Variants in SNTG1 observed in about 807,000 individuals in gnomAD.
SNTG1 encodes the protein syntrophin gamma 1, also known as gamma-1-syntrophin.
SNTG1 carries 39 observed loss-of-function variants against 74.7 expected under a neutral mutation model. The observed-to-expected ratio is 0.52, with a 90% CI of 0.40 to 0.68. SNTG1 has a LOEUF of 0.68. Among genes scored for constraint, SNTG1 ranks in the 30% least tolerant of loss-of-function variants. The pLI is 0.00. For synonymous variants in SNTG1, 254 were observed against 217.1 expected, an observed-to-expected ratio of 1.17 and a Z score of -1.49; for missense variants, 685 against 609.5, an observed-to-expected ratio of 1.12 and a Z score of -1.30.
intron 1 of SNTG1, among the ~76,000 whole-genome samples, chr8:50,156,275 C>T (rs536191213): frequency 5.5e-4 from 84 of 152,058 alleles, no homozygotes; most frequent in African/African-American, 2.0e-3. Context: ...ATTTGTTGTA[C>T]GAAATCAGTA....
chr8:50,278,694 T>TA (rs11391165), intron 2 of SNTG1, among the ~76,000 whole-genome samples: 70,935 of 151,216 alleles, frequency 0.47, 19,147 homozygotes, highest in East Asian at 0.83. Flanking sequence ...GAAAAAATGC[T>TA]AAAAAAAAAT....
intron 1 of SNTG1, among the ~76,000 whole-genome samples, chr8:50,047,696 C>T (rs552872953): frequency 6.6e-6 from 1 of 152,226 alleles, no homozygotes; most frequent in African/African-American, 2.4e-5. Context: ...CTCCCAGTCA[C>T]CTTCTGCAAA....
chr8:50,268,798 A>G (rs2087618277), intron 2 of SNTG1, among the ~76,000 whole-genome samples: 2 of 152,038 alleles, frequency 1.3e-5, no homozygotes, highest in African/African-American at 4.8e-5. Context: ...CTGGAATTAC[A>G]GGCACACACC....
At chr8:50,142,741 C>A (rs2131476084) in intron 1 of SNTG1, among the ~76,000 whole-genome samples, 1 of 152,138 alleles carries the variant, frequency 6.6e-6, no homozygotes, top group East Asian at 1.9e-4. Context: ...CATGTTAAAA[C>A]CTCTCACTGA....
intron 18 of SNTG1, among the ~76,000 whole-genome samples, chr8:50,788,858 T>C (rs186516466): frequency 5.4e-4 from 82 of 152,050 alleles, no homozygotes; most frequent in Middle Eastern, 3.4e-3. Context: ...CGGCCTCAGA[T>C]CAATTGTCCA....
At chr8:50,547,610 T>C (rs2094397418) in intron 11 of SNTG1, among the ~76,000 whole-genome samples, 2 of 152,104 alleles carry the variant, frequency 1.3e-5, no homozygotes, top group African/African-American at 4.8e-5. Flanking sequence ...ATATTAATTT[T>C]AATTTTGCCA....
At chr8:50,719,730 T>A (rs1022604576) in intron 17 of SNTG1, among the ~76,000 whole-genome samples, 1 of 152,176 alleles carries the variant, frequency 6.6e-6, no homozygotes, top group Non-Finnish European at 1.5e-5. Flanking sequence ...GGCATTCTTT[T>A]GAAAAATTTT....
intron 1 of SNTG1, among the ~76,000 whole-genome samples, chr8:50,065,400 T>A (rs757428018): frequency 9.2e-5 from 14 of 152,192 alleles, no homozygotes; most frequent in Non-Finnish European, 2.1e-4. Context: ...AATAAAAAGA[T>A]GCATAAATAA....
At chr8:50,183,223 G>A (rs1408217591) in intron 2 of SNTG1, among the ~76,000 whole-genome samples, 2 of 152,154 alleles carry the variant, frequency 1.3e-5, no homozygotes, top group African/African-American at 4.8e-5. Flanking sequence ...AGGTTTTAGT[G>A]TTTGACTAAC....
At chr8:50,466,742 C>G (rs1016924726) in intron 8 of SNTG1, among the ~76,000 whole-genome samples, 3 of 151,942 alleles carry the variant, frequency 2.0e-5, no homozygotes, top group African/African-American at 7.2e-5. Flanking sequence ...TAATTCTGTA[C>G]ATATATTGCT....
Position 49,962,468 on chromosome 8 carries a change from T to G in SNTG1, c.-103+50237T>G, listed in dbSNP as rs552858680. On this transcript the variant is annotated intron_variant, in intron 1 of 18. Coordinates refer to ENST00000642720, the MANE Select transcript of SNTG1 (RefSeq NM_018967.5). ...AATGAGTCAGGAAACAAGGTCATCA[T>G]GAGGAAAGAGCTCTAAAAAGAGCCG... Among the ~76,000 whole-genome samples the G allele has an allele frequency of 5.9e-5, 9 of 152,110 alleles. No homozygotes were observed. In the South Asian group the frequency reaches 1.9e-3, roughly 32 times the overall value.
chr8:50,510,233 G>A (rs931925386), intron 9 of SNTG1, among the ~76,000 whole-genome samples: 2 of 152,152 alleles, frequency 1.3e-5, no homozygotes, highest in Non-Finnish European at 2.9e-5. Flanking sequence ...ATTTGCATAT[G>A]TTGAGCCAGC....
chr8:50,287,260 T>C (rs937843390), intron 2 of SNTG1, among the ~76,000 whole-genome samples: 4 of 152,192 alleles, frequency 2.6e-5, no homozygotes, highest in Non-Finnish European at 5.9e-5. Context: ...AATCTAGGCC[T>C]ACTGAATACT....
At chr8:50,564,118 G>GTTT (rs34059510) in intron 12 of SNTG1, among the ~76,000 whole-genome samples, 1 of 145,104 alleles carries the variant, frequency 6.9e-6, no homozygotes, top group African/African-American at 2.5e-5. Context: ...GTTGCAGTCC[G>GTTT]TTTTTTTTTT....
intron 1 of SNTG1, among the ~76,000 whole-genome samples, chr8:49,933,924 C>A (rs114886723): frequency 0.013 from 1,940 of 152,148 alleles, 44 homozygotes; most frequent in African/African-American, 0.043. Context: ...TTAGGAATAA[C>A]GTGGGAAAGG....
At chr8:50,310,215 T>C (rs1436290512) in intron 2 of SNTG1, among the ~76,000 whole-genome samples, 1 of 152,206 alleles carries the variant, frequency 6.6e-6, no homozygotes, top group Non-Finnish European at 1.5e-5. Context: ...CTCAAACTTG[T>C]TACCTGGATT....
intron 1 of SNTG1, among the ~76,000 whole-genome samples, chr8:50,155,988 A>C (rs1050466795): frequency 6.6e-6 from 1 of 152,020 alleles, no homozygotes; most frequent in Non-Finnish European, 1.5e-5. Context: ...AAAAATAAAC[A>C]CTATTCAGTA....
At chr8:50,768,767 C>T (rs940115366) in intron 18 of SNTG1, among the ~76,000 whole-genome samples, 3 of 152,028 alleles carry the variant, frequency 2.0e-5, no homozygotes, top group African/African-American at 7.2e-5. Context: ...CTTAATAGCA[C>T]AGGTCCTGCA....
At chr8:50,508,922 T>G (rs1416210963) in intron 9 of SNTG1, among the ~76,000 whole-genome samples, 1 of 152,226 alleles carries the variant, frequency 6.6e-6, no homozygotes, top group East Asian at 1.9e-4. Flanking sequence ...CTCTTTAGTT[T>G]AATTAGATCC....
Sources: gnomAD v4.1 joint callset for allele counts (sites outside exome capture counted in the v4.1 genomes callset) on GRCh38, gnomAD v4.1.1 for gene constraint, MANE v1.5 for transcripts, NCBI Gene and HGNC (gene_info 2026-07-23, HGNC 2026-07-21) for gene names.